Variants in SELP observed in about 807,000 individuals in gnomAD.
SELP encodes P-selectin.
A neutral mutation model predicts 104.1 loss-of-function variants in SELP; 92 were observed. The observed-to-expected ratio is 0.88, with a 90% confidence interval of 0.75 to 1.05. The LOEUF is 1.05. SELP is among the 50% of genes least tolerant of loss of function. The pLI, the probability that SELP is intolerant of heterozygous loss-of-function variation, is 0.00. For synonymous variants in SELP, 397 were observed against 364.5 expected (o/e 1.09, Z -1.01); for missense variants, 1,022 against 1,017.3 (o/e 1.00, Z -0.06).
chr1:169,629,584 G>A (rs1663536206), intron 1 of SELP, among the ~76,000 whole-genome samples: 1 of 152,240 alleles, frequency 6.6e-6, no homozygotes, highest in South Asian at 2.1e-4. Flanking sequence ...AGAAATGGGA[G>A]GGATGGGGAT....
rs1166948072 is a variant in SELP, at chr1:169,619,139, G to A, written c.84C>T (p.Ala28=). ...TAGCATAAAGTTTACCAGAGATCAG[G>A]GCACTGAAGCAAAGGAGTTGGGAAA... ...FGISQLLCFS[A]LISELTNQKE... The change falls in exon 2 of 17, where the codon GCC becomes GCT. Residue 28 remains alanine (A), a synonymous_variant. Coordinates refer to ENST00000263686, the MANE Select transcript of SELP (RefSeq NM_003005.4). 2 of 1,612,972 alleles carry A rather than the reference G, an allele frequency of 1.2e-6. No homozygotes were observed. The highest frequency in any genetic ancestry group is 1.7e-6 in the Non-Finnish European group (2 of 1,179,056).
intron 1 of SELP, among the ~76,000 whole-genome samples, chr1:169,619,913 G>GTT (rs1663005180): frequency 6.6e-6 from 1 of 152,006 alleles, no homozygotes; most frequent in Non-Finnish European, 1.5e-5. Flanking sequence ...TTTTTAAAAT[G>GTT]TTTTTGGGGC....
At chr1:169,623,373 C>G (rs1663227984) in intron 1 of SELP, among the ~76,000 whole-genome samples, 5 of 152,232 alleles carry the variant, frequency 3.3e-5, no homozygotes, top group Admixed American at 3.3e-4. Flanking sequence ...GTGGCCAACC[C>G]TACCCACTGT....
rs571783526 is a variant in SELP, at chr1:169,616,968, C to T, written c.481+60G>A. The T allele has an allele frequency of 3.9e-5, 53 of 1,358,486 alleles. No homozygotes were observed. The South Asian group carries it at 9.5e-4, about 24-fold the overall frequency. 84.2% of individuals were successfully genotyped at this position (1,358,486 alleles called of 1,614,324 possible). A position where few individuals can be genotyped will look rare whatever the true frequency, so the allele number is the denominator to read the frequency against. ...TTGACTCGGTGGTTATGTTGGCCAA[C>T]CAGAGAAGGCAGGGTTTTTTTTTTT... On this transcript the variant is annotated intron_variant, in intron 3 of 16. Transcript: ENST00000263686.
intron 9 of SELP, 106 bp from the exon 10 acceptor site, chr1:169,603,317 G>A (rs201923719): frequency 1.5e-6 from 1 of 665,018 alleles, no homozygotes. Context: ...CTGTGTGTGT[G>A]TGTGTGTGTG....
chr1:169,594,858 T>G lies in SELP; in HGVS notation c.2121A>C (p.Leu707=). 2 of 1,613,434 alleles carry G rather than the reference T, an allele frequency of 1.2e-6. No homozygotes were observed. Among genetic ancestry groups the G allele is most frequent in the Non-Finnish European group, 1.7e-6 (2 of 1,179,594 alleles). Residue 707 remains leucine, a synonymous_variant, in exon 13 of 17, where the codon CTA becomes CTC. Transcript: ENST00000263686. ...PACRAVKCSE[L]HVNKPIAMNC... Reference sequence around the variant, plus strand: ...TCATCGCTATTGGCTTATTAACATGTAGTTCTGAGCATTTCACAGCTGCAG... The same window carrying G: ...TCATCGCTATTGGCTTATTAACATGGAGTTCTGAGCATTTCACAGCTGCAG...
At chr1:169,594,987 G>T in intron 12 of SELP, 110 bp from the exon 13 acceptor site, 2 of 955,878 alleles carry the variant, frequency 2.1e-6, no homozygotes, top group South Asian at 3.5e-5. Flanking sequence ...AATGTAAAAG[G>T]TCAGAAAGGA....
chr1:169,613,039 A>G lies in SELP; in HGVS notation c.665T>C (p.Phe222Ser). Residue 222 changes from phenylalanine (F) to serine (S), a missense_variant, in exon 5 of 17, where the codon TTT becomes TCT. Coordinates refer to ENST00000263686, the MANE Select transcript of SELP (RefSeq NM_003005.4). The part of the protein sequence containing the change: ...NCSHPLGNFS[F>S]NSQCSFHCTD... ...GCAGTGGAAGCTGCACTGCGAGTTA[A>G]AAGAGAAGTTTCCCAGAGGGTGGCT... The G allele has an allele frequency of 6.2e-7, 1 of 1,613,898 alleles. No individual in the cohort carries two copies. Among genetic ancestry groups the G allele is most frequent in the Non-Finnish European group, 8.5e-7 (1 of 1,179,826 alleles).
At chr1:169,620,133 G>A (rs536181367) in intron 1 of SELP, among the ~76,000 whole-genome samples, 40 of 152,140 alleles carry the variant, frequency 2.6e-4, no homozygotes, top group African/African-American at 8.4e-4. Flanking sequence ...GCTTGAACCC[G>A]GGAGGCGGAG....
At chr1:169,621,060 C>T (rs10800459) in intron 1 of SELP, among the ~76,000 whole-genome samples, 65,840 of 121,144 alleles carry the variant, frequency 0.54, 16,863 homozygotes, top group African/African-American at 0.61. Context: ...GCCACAGTGA[C>T]GGATGATGTA....
rs375862171 is a variant in SELP at position 169,609,503 on chromosome 1, C to T, written c.1333+1G>A. The T allele has an allele frequency of 4.3e-6, 7 of 1,611,672 alleles. No homozygotes were observed. The highest frequency in any genetic ancestry group is 1.3e-5 in the African/African-American group (1 of 74,786). On this transcript the variant is annotated splice_donor_variant, in intron 8 of 16. Coordinates refer to ENST00000263686, the MANE Select transcript of SELP (RefSeq NM_003005.4). LOFTEE classifies it high-confidence loss of function. ...GAAAAACATTACCACTGTTACAGTA[C>T]CTTGACAGACTGGGGCTGGTGCTGT...
At chr1:169,595,005 C>T in intron 12 of SELP, 128 bp from the exon 13 acceptor site, 1 of 725,042 alleles carries the variant, frequency 1.4e-6, no homozygotes, top group South Asian at 2.0e-5. Context: ...GGATATGAGC[C>T]ACTTCCAATA....
rs1326089798 is a variant in SELP at position 169,617,136 on chromosome 1, T to C, written c.373A>G (p.Lys125Glu). Reference sequence around the variant, plus strand: ...TCCACGCAGTCCTCGTTGTTCCTTTTGTTGTTAGGTTCATTATCAGCCCAG... The same window carrying C: ...TCCACGCAGTCCTCGTTGTTCCTTTCGTTGTTAGGTTCATTATCAGCCCAG... The part of the protein sequence containing the change: ...ENWADNEPNN[K>E]RNNEDCVEIY... The change falls in exon 3 of 17, where the codon AAA (lysine) becomes GAA (glutamate). Residue 125 changes from lysine (K) to glutamate (E), a missense_variant. Physicochemically the swap from Lys to Glu is moderately conservative, Grantham distance 56. Transcript: ENST00000263686. 1 of 1,614,018 alleles carries C rather than the reference T, an allele frequency of 6.2e-7. No homozygotes were observed. Among genetic ancestry groups the C allele is most frequent in the East Asian group, 2.2e-5 (1 of 44,886 alleles).
Position 169,593,607 on chromosome 1 carries a change from T to A in SELP, c.2405A>T (p.Lys802Ile), listed in dbSNP as rs1415505514. 5 of 1,612,590 alleles carry A rather than the reference T, an allele frequency of 3.1e-6. No homozygotes were observed. In the African/African-American group the frequency reaches 6.7e-5, roughly 22 times the overall value. ...AGAGAAGACTCTTTCCTATTTACCT[T>A]TTTGTCTGAAACGCTTTCTTAGCAA... ...LALLRKRFRQ[K>I]DDGKCPLNPH... The change falls in exon 14 of 17, where the codon AAA becomes ATA. Residue 802 changes from lysine to isoleucine, a missense_variant and splice_region_variant. Transcript: ENST00000263686.
At chr1:169,615,745 A>G (rs567892043) in intron 3 of SELP, among the ~76,000 whole-genome samples, 14 of 152,280 alleles carry the variant, frequency 9.2e-5, no homozygotes, top group Admixed American at 3.3e-4. Flanking sequence ...ATCTGATTAT[A>G]TGATAATGCA....
At chr1:169,629,694 G>A (rs1218103260) in intron 1 of SELP, among the ~76,000 whole-genome samples, 1 of 152,170 alleles carries the variant, frequency 6.6e-6, no homozygotes, top group Non-Finnish European at 1.5e-5. Context: ...GGAAAATGGG[G>A]TGACAGGTTT....
intron 1 of SELP, among the ~76,000 whole-genome samples, chr1:169,623,148 G>A (rs139339948): frequency 1.4e-3 from 206 of 144,578 alleles, no homozygotes; most frequent in Middle Eastern, 6.8e-3. Context: ...CAGCCTTCAT[G>A]AAGGGGACCT....
chr1:169,591,614 G>A, intron 14 of SELP, 158 bp from the exon 15 acceptor site: 1 of 483,800 alleles, frequency 2.1e-6, no homozygotes, highest in Non-Finnish European at 3.7e-6. Context: ...TCCCTGAAAG[G>A]TAGAAAGTGT....
intron 14 of SELP, among the ~76,000 whole-genome samples, chr1:169,592,814 T>C (rs1270871919): frequency 6.6e-6 from 1 of 152,198 alleles, no homozygotes; most frequent in African/African-American, 2.4e-5. Context: ...CAGCTTCTTC[T>C]GCCCCTAACT....
Sources: gnomAD v4.1 joint callset for allele counts (sites outside exome capture counted in the v4.1 genomes callset) on GRCh38, gnomAD v4.1.1 for gene constraint, MANE v1.5 for transcripts, NCBI Gene and HGNC (gene_info 2026-07-23, HGNC 2026-07-21) for gene names.